PHF20L1: variants seen among roughly 807,000 people sequenced by gnomAD.
The protein encoded by PHF20L1 is PHD finger protein 20 like 1, also known as PHD finger protein 20-like protein 1.
In PHF20L1, 44 loss-of-function variants were observed where a neutral mutation model predicts 125.5. That is an observed-to-expected ratio of 0.35 (90% CI 0.28 to 0.45). The LOEUF is 0.45. PHF20L1 is among the 20% of genes least tolerant of loss of function. PHF20L1 has a pLI of 1.00. For synonymous variants in PHF20L1, 380 were observed against 403.1 expected, an observed-to-expected ratio of 0.94 and a Z score of 0.69; for missense variants, 1,012 against 1,217.2, an observed-to-expected ratio of 0.83 and a Z score of 2.51.
At chr8:132,798,238 T>G (rs1478191419) in intron 4 of PHF20L1, among the ~76,000 whole-genome samples, 2 of 151,956 alleles carry the variant, frequency 1.3e-5, no homozygotes, top group African/African-American at 2.4e-5. Flanking sequence ...TATGAAGACT[T>G]TTATCTAGAT....
At chr8:132,803,087 A>G (rs886655733) in intron 6 of PHF20L1, among the ~76,000 whole-genome samples, 3 of 151,954 alleles carry the variant, frequency 2.0e-5, no homozygotes, top group African/African-American at 4.8e-5. Flanking sequence ...TTTAGCAACA[A>G]ACTAAATTAA....
intron 9 of PHF20L1, chr8:132,812,316 A>T (rs939698837): frequency 1.0e-6 from 1 of 985,004 alleles, no homozygotes; most frequent in Non-Finnish European, 1.2e-6. Flanking sequence ...TGGAAAATTC[A>T]TTACAATGTC....
At chr8:132,837,643 A>G in intron 16 of PHF20L1, 69 bp from the exon 17 acceptor site, 5 of 1,206,448 alleles carry the variant, frequency 4.1e-6, no homozygotes, top group Non-Finnish European at 6.1e-6. Flanking sequence ...AAGAAAGGGC[A>G]TGTATCCTTA....
rs983590316 is a variant in PHF20L1 at position 132,795,994 on chromosome 8, G to A, written c.340+1177G>A. Among the ~76,000 whole-genome samples the A allele has an allele frequency of 3.2e-4, 48 of 152,056 alleles. 1 individual carries two copies. Among genetic ancestry groups the A allele is most frequent in the South Asian group, 2.1e-4 (1 of 4,832 alleles). On this transcript the variant is annotated intron_variant, in intron 4 of 20. Transcript: ENST00000395386. ...GCGGTTGACTGCAACTGTGGAAAGC[G>A]AAATCGCGGATAAGGGGGATTTCTG... is the stretch of plus-strand genomic sequence containing the variant.
In PHF20L1 at chr8:132,837,878, A is replaced by G. The variant is rs761793977; in HGVS notation, c.2191+67A>G. Reference sequence around the variant, plus strand: ...TGTCTCCTCCAGGATTCCAGAGTGTATCAGCTGTGTTCACCACCACTACAG... The same window carrying G: ...TGTCTCCTCCAGGATTCCAGAGTGTGTCAGCTGTGTTCACCACCACTACAG... On this transcript the variant is annotated intron_variant, in intron 17 of 20. Coordinates refer to ENST00000395386, the MANE Select transcript of PHF20L1 (RefSeq NM_016018.5). 735 of 1,104,560 alleles carry G rather than the reference A, an allele frequency of 6.7e-4. 3 individuals carry two copies. Among genetic ancestry groups the G allele is most frequent in the Middle Eastern group, 2.8e-3 (10 of 3,630 alleles). The allele number at this position is 1,104,560 out of a possible 1,614,324, so 68.4% of individuals were successfully genotyped here.
At chr8:132,792,839 T>A (rs1260407153) in intron 2 of PHF20L1, among the ~76,000 whole-genome samples, 1 of 152,194 alleles carries the variant, frequency 6.6e-6, no homozygotes, top group African/African-American at 2.4e-5. Flanking sequence ...TTTTCTTGAC[T>A]CTAGTAACAC....
intron 4 of PHF20L1, among the ~76,000 whole-genome samples, chr8:132,795,582 T>G (rs929585641): frequency 5.9e-5 from 9 of 152,124 alleles, no homozygotes; most frequent in African/African-American, 1.9e-4. Context: ...AAAAAAGTTT[T>G]GGAATACTTG....
rs1563849135 is a variant in PHF20L1 at position 132,836,531 on chromosome 8, ATATT to A, written c.1910-8_1910-5del. Reference sequence around the variant, plus strand: ...GTTGTTCTAAGTATACTTTTTGTATATATTCTAGACTTATCAGATGTAGACTTCC... The same window carrying A: ...GTTGTTCTAAGTATACTTTTTGTATACTAGACTTATCAGATGTAGACTTCC... On this transcript the variant is annotated splice_polypyrimidine_tract_variant and splice_region_variant and intron_variant, in intron 15 of 20. Coordinates refer to ENST00000395386, the MANE Select transcript of PHF20L1 (RefSeq NM_016018.5). 1 of 1,554,736 alleles carries A rather than the reference ATATT, an allele frequency of 6.4e-7. No individual in the cohort carries two copies. The highest frequency in any genetic ancestry group is 8.8e-7 in the Non-Finnish European group (1 of 1,140,206).
At chr8:132,793,892 T>C (rs3758118) in intron 2 of PHF20L1, among the ~76,000 whole-genome samples, 47,629 of 152,044 alleles carry the variant, frequency 0.31, 7,699 homozygotes, top group African/African-American at 0.36. Context: ...TTTATATTTA[T>C]GCTAAATAGA....
chr8:132,805,952 A>G (rs909840183), intron 8 of PHF20L1, among the ~76,000 whole-genome samples: 4 of 151,998 alleles, frequency 2.6e-5, no homozygotes, highest in Admixed American at 2.6e-4. Flanking sequence ...AGAAAGCCAA[A>G]TGTTCTCTAA....
Position 132,843,173 on chromosome 8 carries a change from G to A in PHF20L1, c.2748+298G>A, listed in dbSNP as rs928045296. ...AAATGAACCACATTGTATTCAAAAC[G>A]AAAATGTCAGTGTGTAAGAATGTGA... On this transcript the variant is annotated intron_variant, in intron 19 of 20. Transcript: ENST00000395386. The A allele has an allele frequency of 4.3e-5, 46 of 1,061,024 alleles. No individual in the cohort carries two copies. The African/African-American group carries it at 5.1e-4, about 12-fold the overall frequency. 65.7% of individuals were successfully genotyped at this position (1,061,024 alleles called of 1,614,324 possible).
chr8:132,845,656 T>C, intron 20 of PHF20L1, 125 bp from the exon 21 acceptor site: 1 of 672,304 alleles, frequency 1.5e-6, no homozygotes, highest in South Asian at 1.8e-5. Flanking sequence ...CTTGAGTATG[T>C]TGGCCTTCTA....
At chr8:132,834,884 C>G (rs572369523) in intron 15 of PHF20L1, among the ~76,000 whole-genome samples, 1 of 151,616 alleles carries the variant, frequency 6.6e-6, no homozygotes, top group African/African-American at 2.4e-5. Context: ...ACCTTCCTTC[C>G]GTATGTCCCT....
intron 9 of PHF20L1, chr8:132,812,094 T>C: frequency 1.0e-6 from 1 of 976,376 alleles, no homozygotes; most frequent in East Asian, 1.1e-4. Flanking sequence ...TTGATTAATA[T>C]GTCATTGAAT....
chr8:132,780,476 T>C (rs1256279660), intron 2 of PHF20L1, among the ~76,000 whole-genome samples: 2 of 152,284 alleles, frequency 1.3e-5, no homozygotes, highest in East Asian at 3.9e-4. Flanking sequence ...CAAAATATTA[T>C]AGTTAATCAT....
chr8:132,780,447 C>G (rs1242998642), intron 2 of PHF20L1, among the ~76,000 whole-genome samples: 6 of 152,094 alleles, frequency 3.9e-5, no homozygotes, highest in Admixed American at 3.9e-4. Context: ...TGACAAGAAA[C>G]TGACATTCTT....
intron 12 of PHF20L1, among the ~76,000 whole-genome samples, chr8:132,823,173 A>G (rs567102524): frequency 1.3e-5 from 2 of 152,122 alleles, no homozygotes; most frequent in Middle Eastern, 3.4e-3. Flanking sequence ...TTACATTTAT[A>G]TATAGAACAA....
intron 2 of PHF20L1, among the ~76,000 whole-genome samples, chr8:132,788,302 C>G (rs1586866473): frequency 6.6e-6 from 1 of 152,128 alleles, no homozygotes; most frequent in Admixed American, 6.5e-5. Flanking sequence ...ATTAGACATC[C>G]TATTGGCTTA....
intron 2 of PHF20L1, chr8:132,789,093 A>G (rs571703755): frequency 9.2e-5 from 14 of 152,202 alleles, no homozygotes; most frequent in Admixed American, 7.9e-4. Context: ...TCTGTAAAAT[A>G]TGTAAAAATA....
Sources: allele counts gnomAD v4.1 joint callset (sites outside exome capture counted in the v4.1 genomes callset), GRCh38; gene constraint gnomAD v4.1.1; transcripts MANE v1.5; gene names NCBI Gene and HGNC (gene_info 2026-07-23, HGNC 2026-07-21).